Variants in DCLK1 observed in about 807,000 individuals in gnomAD.
The protein encoded by DCLK1 is doublecortin like kinase 1, also known as serine/threonine-protein kinase DCLK1.
A neutral mutation model predicts 86.2 loss-of-function variants in DCLK1; 16 were observed. That is an observed-to-expected ratio of 0.19 (90% confidence interval 0.13 to 0.28). The LOEUF (loss-of-function observed/expected upper bound fraction) is 0.28. Among genes scored for constraint, DCLK1 ranks in the 10% least tolerant of loss-of-function variants. The pLI is 1.00. For missense variants in DCLK1, 590 were observed against 940.2 expected, an observed-to-expected ratio of 0.63 and a Z score of 4.87; for synonymous variants, 369 against 370.5, an observed-to-expected ratio of 1.00 and a Z score of 0.05.
At chr13:36,036,115 T>C (rs1187359228) in intron 3 of DCLK1, among the ~76,000 whole-genome samples, 2 of 152,146 alleles carry the variant, frequency 1.3e-5, no homozygotes, top group East Asian at 3.9e-4. Context: ...CAGTGTGCCA[T>C]GTCAGTTTAC....
chr13:35,918,040 A>T (rs958127611), intron 4 of DCLK1, among the ~76,000 whole-genome samples: 1 of 152,196 alleles, frequency 6.6e-6, no homozygotes, highest in African/African-American at 2.4e-5. Flanking sequence ...TCTTCTCTAA[A>T]CACTGTTACA....
At chr13:35,881,013 A>C (rs942204670) in intron 4 of DCLK1, among the ~76,000 whole-genome samples, 1 of 152,168 alleles carries the variant, frequency 6.6e-6, no homozygotes, top group African/African-American at 2.4e-5. Flanking sequence ...ATGTCTGATC[A>C]CCTTGAGAGA....
At chr13:35,967,924 G>A (rs879402979) in intron 3 of DCLK1, among the ~76,000 whole-genome samples, 2 of 152,126 alleles carry the variant, frequency 1.3e-5, no homozygotes, top group Admixed American at 6.5e-5. Context: ...AGGAGGCTGA[G>A]GCAGGAGAAT....
rs112204434 is a variant in DCLK1, at chr13:35,797,874, A to C, written c.1945-4395T>G. Among the ~76,000 whole-genome samples, 757 of 152,278 alleles carry C rather than the reference A, an allele frequency of 5.0e-3. 11 individuals are homozygous for C. The highest frequency in any genetic ancestry group is 0.017 in the African/African-American group (721 of 41,550). The stretch of plus-strand genomic sequence containing the variant: ...AATAAATAGGGACGTTAAAAACATA[A>C]ATTTATATATATACATCTTTATCAC... On this transcript the variant is annotated intron_variant, in intron 15 of 16. Coordinates refer to ENST00000360631, the MANE Select transcript of DCLK1 (RefSeq NM_001330071.2).
At chr13:35,869,521 G>T (rs1236948237) in intron 5 of DCLK1, among the ~76,000 whole-genome samples, 1 of 152,210 alleles carries the variant, frequency 6.6e-6, no homozygotes, top group African/African-American at 2.4e-5. Flanking sequence ...GAGGCAAACA[G>T]GGAGGTAGAA....
rs116081870 is a variant in DCLK1, at chr13:36,015,038, G to A, written c.724-67581C>T. On this transcript the variant is annotated intron_variant, in intron 3 of 16. Coordinates refer to ENST00000360631, the MANE Select transcript of DCLK1 (RefSeq NM_001330071.2). Reference sequence around the variant, plus strand: ...TCTCTCTCTCTCTCTCTCCCTATCCGCCCCCCCACACAATTTTTGATGTGA... The same window carrying A: ...TCTCTCTCTCTCTCTCTCCCTATCCACCCCCCCACACAATTTTTGATGTGA... Among the ~76,000 whole-genome samples, 639 of 127,678 alleles carry A rather than the reference G, an allele frequency of 5.0e-3. 5 individuals are homozygous for A. Among genetic ancestry groups the A allele is most frequent in the African/African-American group, 0.017 (587 of 33,770 alleles). The allele number at this position is 127,678 out of a possible 152,430, so 83.8% of individuals were successfully genotyped here.
chr13:35,869,958 C>T (rs1872152358), intron 5 of DCLK1, among the ~76,000 whole-genome samples: 1 of 152,192 alleles, frequency 6.6e-6, no homozygotes, highest in South Asian at 2.1e-4. Context: ...GCCAAGTTCC[C>T]AAGTGACTCT....
intron 16 of DCLK1, among the ~76,000 whole-genome samples, chr13:35,780,179 C>A (rs2086501496): frequency 6.6e-6 from 1 of 151,970 alleles, no homozygotes; most frequent in African/African-American, 2.4e-5. Context: ...CAAAAAAATC[C>A]CCAGACATCA....
chr13:35,811,344 A>G (rs970908070), intron 11 of DCLK1, among the ~76,000 whole-genome samples: 6 of 152,148 alleles, frequency 3.9e-5, no homozygotes, highest in African/African-American at 1.4e-4. Context: ...ATACAAAAAA[A>G]AAAGAAAAAG....
rs1185764637 is a variant in DCLK1, at chr13:35,891,812, T to G, written c.824-20472A>C. On this transcript the variant is annotated intron_variant, in intron 4 of 16. Transcript: ENST00000360631. Reference sequence around the variant, plus strand: ...AGTGGATTCATCGTCTGAGGCCCCCTTCCCTCTTTGTTTATTCTCAGCTGT... The same window carrying G: ...AGTGGATTCATCGTCTGAGGCCCCCGTCCCTCTTTGTTTATTCTCAGCTGT... Among the ~76,000 whole-genome samples the G allele has an allele frequency of 2.0e-5, 3 of 152,078 alleles. No individual in the cohort carries two copies. In the East Asian group the frequency reaches 5.8e-4, roughly 29 times the overall value.
chr13:36,041,013 C>T (rs1882684312), intron 3 of DCLK1, among the ~76,000 whole-genome samples: 1 of 151,976 alleles, frequency 6.6e-6, no homozygotes, highest in African/African-American at 2.4e-5. Context: ...TATTTCCTTC[C>T]CTAGTCCTAG....
chr13:35,829,777 G>C (rs7331739), intron 8 of DCLK1, among the ~76,000 whole-genome samples: 44,603 of 152,060 alleles, frequency 0.29, 6,718 homozygotes, highest in East Asian at 0.5. Context: ...GGGTTCAGGT[G>C]GTAGAAGGTA....
chr13:35,890,439 G>A (rs1873574137), intron 4 of DCLK1, among the ~76,000 whole-genome samples: 1 of 152,116 alleles, frequency 6.6e-6, no homozygotes, highest in Non-Finnish European at 1.5e-5. Flanking sequence ...ATTAATGACA[G>A]CATAGTATTC....
intron 3 of DCLK1, among the ~76,000 whole-genome samples, chr13:36,090,323 C>G (rs748791156): frequency 6.6e-6 from 1 of 152,006 alleles, no homozygotes; most frequent in Non-Finnish European, 1.5e-5. Context: ...TTCAAAATAC[C>G]CCCGAGGAGC....
Position 35,891,799 on chromosome 13 carries a change from G to C in DCLK1, c.824-20459C>G, listed in dbSNP as rs528532943. ...ACATTTGGTTTTCAGTGGATTCATC[G>C]TCTGAGGCCCCCTTCCCTCTTTGTT... On this transcript the variant is annotated intron_variant, in intron 4 of 16. Transcript: ENST00000360631. Among the ~76,000 whole-genome samples, 9 of 152,250 alleles carry C rather than the reference G, an allele frequency of 5.9e-5. No homozygotes were observed. The South Asian group carries it at 1.7e-3, about 28-fold the overall frequency.
intron 3 of DCLK1, among the ~76,000 whole-genome samples, chr13:36,048,029 C>A (rs1412448655): frequency 2.0e-5 from 3 of 152,210 alleles, no homozygotes; most frequent in Admixed American, 1.3e-4. Flanking sequence ...GTTCTCCCCA[C>A]AAAAATATGA....
intron 3 of DCLK1, among the ~76,000 whole-genome samples, chr13:36,048,585 G>C (rs1243404249): frequency 6.6e-6 from 1 of 152,122 alleles, no homozygotes; most frequent in Non-Finnish European, 1.5e-5. Context: ...TCACTCAACT[G>C]AATAATTTCC....
chr13:35,983,333 C>A (rs978086714), intron 3 of DCLK1, among the ~76,000 whole-genome samples: 1 of 152,126 alleles, frequency 6.6e-6, no homozygotes, highest in African/African-American at 2.4e-5. Flanking sequence ...TTCCATAAGG[C>A]TTTCTTTTGT....
At chr13:35,976,189 T>G (rs544739611) in intron 3 of DCLK1, among the ~76,000 whole-genome samples, 47 of 151,962 alleles carry the variant, frequency 3.1e-4, no homozygotes, top group African/African-American at 1.1e-3. Flanking sequence ...TGGAGGCAGG[T>G]TGGGAGGAGA....
Sources: allele counts gnomAD v4.1 joint callset (sites outside exome capture counted in the v4.1 genomes callset), GRCh38; gene constraint gnomAD v4.1.1; transcripts MANE v1.5; gene names NCBI Gene and HGNC (gene_info 2026-07-23, HGNC 2026-07-21).